Variants in MED14 observed in about 807,000 individuals in gnomAD.
MED14 encodes the protein mediator of RNA polymerase II transcription subunit 14.
Under a neutral mutation model 109.0 loss-of-function variants are expected in MED14, and 8 were observed. The ratio of observed to expected loss-of-function variants is 0.07; its 90% CI spans 0.04 to 0.13. The LOEUF (loss-of-function observed/expected upper bound fraction) is 0.13. Among genes scored for constraint, MED14 ranks in the 10% least tolerant of loss-of-function variants. MED14 has a pLI of 1.00. For missense variants in MED14, 711 were observed against 1,142.4 expected (o/e 0.62, Z 5.44); for synonymous variants, 399 against 408.7 (o/e 0.98, Z 0.29).
chrX:40,729,750 T>C (rs1932015965), intron 1 of MED14, among the ~76,000 whole-genome samples: 1 of 111,956 alleles, frequency 8.9e-6, no homozygotes, highest in Non-Finnish European at 1.9e-5. Context: ...TTCCAAGCAA[T>C]AATCCCTCCA....
At chrX:40,672,081 T>C in intron 22 of MED14, 109 bp from the exon 23 acceptor site, 1 of 420,426 alleles carries the variant, frequency 2.4e-6, no homozygotes, top group East Asian at 3.8e-5. Flanking sequence ...ACTTTGCTGG[T>C]TACCAAATAG....
At chrX:40,659,771 C>A in intron 26 of MED14, 164 bp from the exon 27 acceptor site, 1 of 410,438 alleles carries the variant, frequency 2.4e-6, no homozygotes. Context: ...AAAAGAGATG[C>A]GATCAGACAT....
chrX:40,695,178 T>C lies in MED14; in HGVS notation c.1650+1846A>G, dbSNP rs73471362. ...TGGAGGGGGCTGATTATAAGGGGTATTATGTGGCAATTTTGGGGGATAATG... is the reference window on the plus strand; with the variant it reads ...TGGAGGGGGCTGATTATAAGGGGTACTATGTGGCAATTTTGGGGGATAATG... On this transcript the variant is annotated intron_variant, in intron 13 of 30. Transcript: ENST00000324817. 3.6e-3 allele frequency among the ~76,000 whole-genome samples: 407 copies of C among 111,792 alleles called. 1 individual carries two copies. Among genetic ancestry groups the C allele is most frequent in the African/African-American group, 0.013 (390 of 30,786 alleles).
chrX:40,686,888 T>G (rs1930311902), intron 16 of MED14, among the ~76,000 whole-genome samples: 1 of 112,024 alleles, frequency 8.9e-6, no homozygotes, highest in South Asian at 3.7e-4. Flanking sequence ...AAGTCCATAC[T>G]GGGTCACTTT....
At chrX:40,653,016 A>G (rs775549622) in intron 30 of MED14, among the ~76,000 whole-genome samples, 32 of 112,364 alleles carry the variant, frequency 2.8e-4, no homozygotes, top group African/African-American at 9.4e-4. Flanking sequence ...ATATCTCAAC[A>G]ATTTCTGAAA....
In MED14 at chrX:40,679,974, T is replaced by C. The variant is rs375651134; in HGVS notation, c.2770A>G (p.Ile924Val). The change falls in exon 21 of 31, where the codon ATT (isoleucine) becomes GTT (valine). Residue 924 changes from isoleucine to valine, a missense_variant. Ile to Val is a conservative substitution (Grantham distance 29, BLOSUM62 3). Around this residue, in one of 8 missense-constraint regions of MED14, gnomAD observed 29 missense variants for 102.4 expected, o/e 0.28. Coordinates refer to ENST00000324817, the MANE Select transcript of MED14 (RefSeq NM_004229.4). ...IRLAFRNMYC[I>V]DIYCRSRGVV... is the part of the protein sequence containing the mutation. ...CCTCGACTCCGGCAGTATATATCAA[T>C]GCAATACATGTTCCTGAAGGCCAGT... The C allele has an allele frequency of 2.5e-6, 3 of 1,210,388 alleles. No individual in the cohort carries two copies. The highest frequency in any genetic ancestry group is 3.4e-6 in the Non-Finnish European group (3 of 894,388).
intron 23 of MED14, among the ~76,000 whole-genome samples, chrX:40,668,242 G>T (rs1031327199): frequency 1.8e-5 from 2 of 109,865 alleles, no homozygotes; most frequent in African/African-American, 6.6e-5. Context: ...CATTAGCCAG[G>T]CACAGTGGCA....
chrX:40,669,199 G>T (rs772032310), intron 23 of MED14, among the ~76,000 whole-genome samples: 1 of 112,062 alleles, frequency 8.9e-6, no homozygotes, highest in East Asian at 2.8e-4. Flanking sequence ...TTGGCACATA[G>T]TAAGCACTAT....
At chrX:40,678,484 T>C (rs1452503454) in intron 21 of MED14, among the ~76,000 whole-genome samples, 4 of 111,525 alleles carry the variant, frequency 3.6e-5, no homozygotes, top group East Asian at 2.8e-4. Flanking sequence ...TATTCATAAC[T>C]GCACAAATGC....
At chrX:40,733,338 A>AC (rs1326816520) in intron 1 of MED14, among the ~76,000 whole-genome samples, 2 of 110,044 alleles carry the variant, frequency 1.8e-5, no homozygotes, top group African/African-American at 6.6e-5. Flanking sequence ...GGCTCAAGTG[A>AC]CCCCCTCCCC....
At chrX:40,714,768 T>C in intron 3 of MED14, 58 bp from the exon 4 acceptor site, 1 of 978,409 alleles carries the variant, frequency 1.0e-6, no homozygotes, top group Non-Finnish European at 1.4e-6. Context: ...CTTTTCACAC[T>C]AAATATTGTT....
At chrX:40,706,955 TAA>T (rs1215200633) in intron 10 of MED14, among the ~76,000 whole-genome samples, 1 of 112,001 alleles carries the variant, frequency 8.9e-6, no homozygotes, top group Admixed American at 9.5e-5. Context: ...GCAAAATACT[TAA>T]AGTCTTCTTT....
chrX:40,669,213 C>A (rs775830120), intron 23 of MED14, among the ~76,000 whole-genome samples: 19 of 111,997 alleles, frequency 1.7e-4, no homozygotes, highest in African/African-American at 5.8e-4. Flanking sequence ...GCACTATATG[C>A]TTGTCTACCA....
chrX:40,713,218 C>G (rs1312814593), intron 5 of MED14, among the ~76,000 whole-genome samples, 176 bp from the exon 6 acceptor site: 1 of 111,531 alleles, frequency 9.0e-6, no homozygotes, highest in Non-Finnish European at 1.9e-5. Flanking sequence ...GCTTCCAGGT[C>G]AAGAAATGAA....
In MED14 at chrX:40,692,972, C is replaced by T. The variant is rs1036977081; in HGVS notation, c.1651-70G>A. 5.3e-5 allele frequency: 39 copies of T among 736,652 alleles called. 1 individual carries two copies. Among genetic ancestry groups the T allele is most frequent in the African/African-American group, 9.3e-5 (4 of 43,234 alleles). 60.7% of individuals were successfully genotyped at this position (736,652 alleles called of 1,213,427 possible). Reference sequence around the variant, plus strand: ...TCAGATATTTTCCTCCGTACATCATCAAGTAAGGCTCAGAATTATAAATCT... The same window carrying T: ...TCAGATATTTTCCTCCGTACATCATTAAGTAAGGCTCAGAATTATAAATCT... On this transcript the variant is annotated intron_variant, in intron 13 of 30. Transcript: ENST00000324817.
intron 24 of MED14, among the ~76,000 whole-genome samples, chrX:40,665,864 T>C (rs1468464340): frequency 8.9e-6 from 1 of 112,349 alleles, no homozygotes; most frequent in African/African-American, 3.2e-5. Flanking sequence ...CATTTTTAAT[T>C]GTGAAAAAAT....
chrX:40,670,628 G>C (rs2146636213), intron 23 of MED14, among the ~76,000 whole-genome samples: 1 of 110,577 alleles, frequency 9.0e-6, no homozygotes, highest in South Asian at 3.8e-4. Context: ...GGGCGCGGTA[G>C]CGGGCGCCTG....
chrX:40,714,800 C>T (rs1427599235), intron 3 of MED14, 90 bp from the exon 4 acceptor site: 26 of 810,414 alleles, frequency 3.2e-5, no homozygotes, highest in Non-Finnish European at 4.4e-5. Flanking sequence ...AAGTAAACTT[C>T]AAGGGGAATT....
intron 12 of MED14, 58 bp from the exon 13 acceptor site, chrX:40,697,241 C>T (rs192640431): frequency 2.9e-6 from 2 of 698,018 alleles, no homozygotes; most frequent in East Asian, 3.4e-5. Context: ...TATCTGTGCC[C>T]TATCGATTTA....
Sources: allele counts gnomAD v4.1 joint callset (sites outside exome capture counted in the v4.1 genomes callset), GRCh38; gene constraint gnomAD v4.1.1; regional missense constraint gnomAD v4.1.1; transcripts MANE v1.5; gene names NCBI Gene and HGNC (gene_info 2026-07-23, HGNC 2026-07-21).